The following GRM4 variants were observed in gnomAD, a reference collection of about 807,000 sequenced individuals.
The protein encoded by GRM4 is metabotropic glutamate receptor 4.
Under a neutral mutation model 81.7 loss-of-function variants are expected in GRM4, and 28 were observed. The observed-to-expected ratio is 0.34, with a 90% CI of 0.25 to 0.47. The LOEUF is 0.47. GRM4 is among the 20% of genes least tolerant of loss of function. The pLI, the probability that GRM4 is intolerant of heterozygous loss-of-function variation, is 1.00. For missense variants in GRM4, 948 were observed against 1,290.0 expected (o/e 0.73, Z 4.06); for synonymous variants, 488 against 528.8 (o/e 0.92, Z 1.06).
chr6:34,100,394 T>C (rs1157676938), intron 2 of GRM4, among the ~76,000 whole-genome samples: 1 of 152,202 alleles, frequency 6.6e-6, no homozygotes, highest in African/African-American at 2.4e-5. Flanking sequence ...GGAGAGTGCA[T>C]GTCAGAGTGT....
intron 3 of GRM4, among the ~76,000 whole-genome samples, chr6:34,086,315 G>A (rs1767888469): frequency 6.6e-6 from 1 of 152,240 alleles, no homozygotes; most frequent in African/African-American, 2.4e-5. Flanking sequence ...TGCTGACAGA[G>A]GCCATCTACA....
At chr6:34,077,362 G>A (rs1166881184) in intron 3 of GRM4, among the ~76,000 whole-genome samples, 1 of 152,084 alleles carries the variant, frequency 6.6e-6, no homozygotes, top group Admixed American at 6.5e-5. Context: ...CCCTGGGGCA[G>A]GTCCAGCCAC....
chr6:34,131,319 A>G (rs532329313), intron 2 of GRM4, among the ~76,000 whole-genome samples: 3 of 152,230 alleles, frequency 2.0e-5, no homozygotes, highest in Admixed American at 6.5e-5. Flanking sequence ...TCAACCACTG[A>G]TCATAAAAAA....
At position 34,056,692 on chromosome 6, in the gene GRM4, G is replaced by A. The variant is rs1368251542; in HGVS notation, c.1028-8C>T. The A allele has an allele frequency of 6.2e-7, 1 of 1,612,212 alleles. No homozygotes were observed. Among genetic ancestry groups the A allele is most frequent in the Admixed American group, 1.7e-5 (1 of 59,980 alleles). ...AGAAGTAGCGGTCGAAGCCTGGCAG[G>A]GAACCAGGACGTCAGGGCCTCACTG... On this transcript the variant is annotated splice_polypyrimidine_tract_variant and splice_region_variant and intron_variant, in intron 5 of 10. Transcript: ENST00000538487.
chr6:34,084,780 T>G lies in GRM4; in HGVS notation c.736+7103A>C, dbSNP rs1466148543. Among the ~76,000 whole-genome samples, 4 of 152,186 alleles carry G rather than the reference T, an allele frequency of 2.6e-5. No individual in the cohort carries two copies. The East Asian group carries it at 5.8e-4, about 22-fold the overall frequency. On this transcript the variant is annotated intron_variant, in intron 3 of 10. Transcript: ENST00000538487. The stretch of plus-strand genomic sequence containing the variant: ...TTCATTCACACCTCCAGGCTTTTGT[T>G]CCTACTGTTCTCCCACCTGGCGTGC...
Position 34,036,480 on chromosome 6 carries a change from G to A in GRM4, c.1630C>T (p.Pro544Ser). Residue 544 changes from proline (P) to serine (S), a missense_variant, in exon 9 of 11, where the codon CCT becomes TCT. Physicochemically the swap from Pro to Ser is moderately conservative, Grantham distance 74. Coordinates refer to ENST00000538487, the MANE Select transcript of GRM4 (RefSeq NM_000841.4). The surrounding 1 kb of genome is among the most constrained non-coding windows in gnomAD (Gnocchi z 9.0). The stretch of plus-strand genomic sequence containing the variant: ...ACCTGGTACTGGTACCCTGTGCAAG[G>A]CTCGCAGTGCCAGCAGCAAGGCATG... ...KGMPCCWHCE[P>S]CTGYQYQVDR... 2 of 1,613,304 alleles carry A rather than the reference G, an allele frequency of 1.2e-6. No homozygotes were observed. The highest frequency in any genetic ancestry group is 1.7e-6 in the Non-Finnish European group (2 of 1,179,754).
chr6:34,153,945 T>C (rs7744510), intron 1 of GRM4, among the ~76,000 whole-genome samples: 5,299 of 140,764 alleles, frequency 0.038, 216 homozygotes, highest in African/African-American at 0.1. Flanking sequence ...AAAAAAAAGT[T>C]GAAGCCAGGA....
intron 2 of GRM4, among the ~76,000 whole-genome samples, chr6:34,126,132 C>A (rs1009344487): frequency 7.2e-5 from 11 of 152,276 alleles, no homozygotes; most frequent in Middle Eastern, 3.4e-3. Flanking sequence ...AGCTGGTGGT[C>A]AAGAAGCAGG....
intron 2 of GRM4, among the ~76,000 whole-genome samples, chr6:34,120,160 C>A (rs906464424): frequency 6.6e-6 from 1 of 152,140 alleles, no homozygotes; most frequent in Non-Finnish European, 1.5e-5. Flanking sequence ...CCTGGGGAAC[C>A]CAGTCTCCTC....
chr6:34,125,194 C>T (rs1012539240), intron 2 of GRM4, among the ~76,000 whole-genome samples: 1 of 152,128 alleles, frequency 6.6e-6, no homozygotes, highest in African/African-American at 2.4e-5. Context: ...AGGATGGTCT[C>T]GATCTCCTGA....
rs1369277316 is a variant in GRM4 at position 34,047,506 on chromosome 6, G to A, written c.1169-6758C>T. Among the ~76,000 whole-genome samples the A allele has an allele frequency of 6.6e-6, 1 of 152,058 alleles. No individual in the cohort carries two copies. Among genetic ancestry groups the A allele is most frequent in the Non-Finnish European group, 1.5e-5 (1 of 68,006 alleles). On this transcript the variant is annotated intron_variant, in intron 6 of 10. Transcript: ENST00000538487. The surrounding 1 kb of genome is among the most constrained non-coding windows in gnomAD (Gnocchi z 4.5). Reference sequence around the variant, plus strand: ...GAAGTCACCAGCCAGGATCTCCCTGGCCCAGAGTCACACGCTTGCTTTTCA... The same window carrying A: ...GAAGTCACCAGCCAGGATCTCCCTGACCCAGAGTCACACGCTTGCTTTTCA...
Position 34,018,884 on chromosome 6 carries a change from G to C in GRM4, c.*3937C>G, listed in dbSNP as rs111457211. 1,525 of 152,640 alleles carry C rather than the reference G, an allele frequency of 1.0e-2. 19 individuals carry two copies. Among genetic ancestry groups the C allele is most frequent in the African/African-American group, 0.022 (903 of 41,574 alleles). 9.5% of individuals were successfully genotyped at this position (152,640 alleles called of 1,614,324 possible). A position where few individuals can be genotyped will look rare whatever the true frequency, so the allele number is the denominator to read the frequency against. On this transcript the variant is annotated 3_prime_UTR_variant, in exon 11 of 11. Coordinates refer to ENST00000538487, the MANE Select transcript of GRM4 (RefSeq NM_000841.4). ...CTGAGGGGCAGCCAGGACCATCCAGGGCAGGCAGGATGACAGAAGGAGCCC... is the reference window on the plus strand; with the variant it reads ...CTGAGGGGCAGCCAGGACCATCCAGCGCAGGCAGGATGACAGAAGGAGCCC...
chr6:34,128,826 C>T (rs1452023632), intron 2 of GRM4, among the ~76,000 whole-genome samples: 1 of 152,178 alleles, frequency 6.6e-6, no homozygotes, highest in Non-Finnish European at 1.5e-5. Flanking sequence ...AGTCCAAATG[C>T]TTACCCCCAT....
At chr6:34,117,493 T>C (rs974181681) in intron 2 of GRM4, among the ~76,000 whole-genome samples, 2 of 152,142 alleles carry the variant, frequency 1.3e-5, no homozygotes, top group Non-Finnish European at 2.9e-5. Context: ...CCTGGCTCCC[T>C]GCCCACCCAC....
intron 3 of GRM4, among the ~76,000 whole-genome samples, chr6:34,087,566 G>T (rs939401391): frequency 6.6e-6 from 1 of 151,986 alleles, no homozygotes. Flanking sequence ...TCCAGCCCTG[G>T]TGATGCTGCA....
chr6:34,092,683 T>G lies in GRM4; in HGVS notation c.520-584A>C, dbSNP rs1768299374. On this transcript the variant is annotated intron_variant, in intron 2 of 10. Coordinates refer to ENST00000538487, the MANE Select transcript of GRM4 (RefSeq NM_000841.4). This position sits in a 1 kb window ranked among gnomAD's most constrained non-coding sequence, Gnocchi z 6.8. ...AAGCTAGTGGGGTGGGCTTCAGGAA[T>G]TCCCTTCTCTCTGGAGCTGGGGACA... Among the ~76,000 whole-genome samples the G allele has an allele frequency of 6.6e-6, 1 of 152,002 alleles. No homozygotes were observed. Among genetic ancestry groups the G allele is most frequent in the African/African-American group, 2.4e-5 (1 of 41,398 alleles).
chr6:34,137,143 C>G (rs548379372), intron 1 of GRM4, among the ~76,000 whole-genome samples: 1 of 152,212 alleles, frequency 6.6e-6, no homozygotes, highest in East Asian at 1.9e-4. Flanking sequence ...GTGAAATCAT[C>G]GGGATGACTG....
intron 2 of GRM4, among the ~76,000 whole-genome samples, chr6:34,131,090 CCCAGCCAGCT>C (rs1341146045): frequency 8.5e-5 from 13 of 152,244 alleles, no homozygotes; most frequent in Non-Finnish European, 2.9e-5. Context: ...CCTGGGACAG[CCCAGCCAGCT>C]CCTCCTCTCC....
intron 2 of GRM4, among the ~76,000 whole-genome samples, chr6:34,108,992 T>C (rs1769253638): frequency 6.6e-6 from 1 of 152,138 alleles, no homozygotes; most frequent in Non-Finnish European, 1.5e-5. Context: ...GCCACCCCTA[T>C]AGCAGCCCTT....
Sources: allele counts gnomAD v4.1 joint callset (sites outside exome capture counted in the v4.1 genomes callset), GRCh38; gene constraint gnomAD v4.1.1; non-coding constraint Gnocchi (gnomAD v3.1); transcripts MANE v1.5; gene names NCBI Gene and HGNC (gene_info 2026-07-23, HGNC 2026-07-21).